NEDD4L: variants seen among roughly 807,000 people sequenced by gnomAD.
NEDD4L encodes NEDD4 like E3 ubiquitin protein ligase.
NEDD4L carries 54 observed loss-of-function variants against 148.9 expected under a neutral mutation model. That is an observed-to-expected ratio of 0.36 (90% CI 0.29 to 0.45). The LOEUF is 0.45. Among genes scored for constraint, NEDD4L ranks in the 20% least tolerant of loss-of-function variants. The pLI, the probability that NEDD4L is intolerant of heterozygous loss-of-function variation, is 1.00. For synonymous variants in NEDD4L, 433 were observed against 440.7 expected (o/e 0.98, Z 0.22); for missense variants, 856 against 1,233.8 (o/e 0.69, Z 4.59).
In NEDD4L at chr18:58,209,467, G is replaced by A. The variant is rs373074845; in HGVS notation, c.123-35960G>A. Among the ~76,000 whole-genome samples, 30 of 5,298 alleles carry A rather than the reference G, an allele frequency of 5.7e-3. No homozygotes were observed. In the South Asian group the frequency reaches 0.11, roughly 19 times the overall value. The allele number at this position is 5,298 out of a possible 152,430, so 3.5% of individuals were successfully genotyped here. A position where few individuals can be genotyped will look rare whatever the true frequency, so the allele number is the denominator to read the frequency against. Reference sequence around the variant, plus strand: ...GCACACCCCACCCCCGCCCCCACTAGGGACAGTTTACTCTTCCCCCTCCTT... The same window carrying A: ...GCACACCCCACCCCCGCCCCCACTAAGGACAGTTTACTCTTCCCCCTCCTT... On this transcript the variant is annotated intron_variant, in intron 2 of 30. Coordinates refer to ENST00000400345, the MANE Select transcript of NEDD4L (RefSeq NM_001144967.3).
intron 5 of NEDD4L, among the ~76,000 whole-genome samples, chr18:58,310,770 A>G (rs766026629): frequency 3.3e-5 from 5 of 152,216 alleles, no homozygotes; most frequent in Non-Finnish European, 7.3e-5. Flanking sequence ...TGCATTACTG[A>G]GGGCCTCTGT....
chr18:58,191,171 C>T (rs8083578), intron 2 of NEDD4L, among the ~76,000 whole-genome samples: 52,462 of 152,022 alleles, frequency 0.35, 10,595 homozygotes, highest in African/African-American at 0.57. Flanking sequence ...AAAGAACTTA[C>T]AACAAACTGA....
At chr18:58,202,875 CTAGT>C (rs979055239) in intron 2 of NEDD4L, among the ~76,000 whole-genome samples, 8 of 152,156 alleles carry the variant, frequency 5.3e-5, no homozygotes, top group African/African-American at 1.7e-4. Context: ...ATGTAAGTTA[CTAGT>C]TCAATTTATT....
At chr18:58,178,916 G>A (rs1273178612) in intron 2 of NEDD4L, among the ~76,000 whole-genome samples, 1 of 152,200 alleles carries the variant, frequency 6.6e-6, no homozygotes, top group Admixed American at 6.5e-5. Flanking sequence ...AAGAAATACT[G>A]CGTTTCAAGT....
At chr18:58,185,409 T>A (rs1007429591) in intron 2 of NEDD4L, among the ~76,000 whole-genome samples, 6 of 152,202 alleles carry the variant, frequency 3.9e-5, no homozygotes, top group Non-Finnish European at 8.8e-5. Flanking sequence ...CTGGAGAAGC[T>A]ATGAATGACC....
chr18:58,095,047 T>C (rs571864665), intron 1 of NEDD4L, among the ~76,000 whole-genome samples: 1 of 152,306 alleles, frequency 6.6e-6, no homozygotes, highest in African/African-American at 2.4e-5. Flanking sequence ...TGGATGCCTA[T>C]TGATTGTGTA....
At chr18:58,215,972 A>G (rs552951457) in intron 2 of NEDD4L, among the ~76,000 whole-genome samples, 11 of 152,192 alleles carry the variant, frequency 7.2e-5, no homozygotes, top group Admixed American at 5.2e-4. Flanking sequence ...ATCTTTGTGC[A>G]AAACAAGAAT....
At chr18:58,068,943 C>T (rs1401609057) in intron 1 of NEDD4L, among the ~76,000 whole-genome samples, 1 of 152,060 alleles carries the variant, frequency 6.6e-6, no homozygotes, top group Non-Finnish European at 1.5e-5. Flanking sequence ...TCAAGATCAG[C>T]CTGGCCAACA....
At chr18:58,309,224 A>G (rs958382884) in intron 5 of NEDD4L, among the ~76,000 whole-genome samples, 22 of 151,906 alleles carry the variant, frequency 1.4e-4, no homozygotes, top group African/African-American at 5.1e-4. Context: ...AGTGGCATGG[A>G]CCTTTTAGTC....
chr18:58,138,473 A>G (rs1024432617), intron 1 of NEDD4L, among the ~76,000 whole-genome samples: 2 of 150,884 alleles, frequency 1.3e-5, no homozygotes, highest in Non-Finnish European at 2.9e-5. Context: ...AAGCCATTTT[A>G]GTTAGTTTTT....
chr18:58,355,037 G>A (rs762498462), intron 18 of NEDD4L, among the ~76,000 whole-genome samples: 8 of 152,220 alleles, frequency 5.3e-5, no homozygotes, highest in Non-Finnish European at 8.8e-5. Context: ...GTATCTGCCC[G>A]GTGTGGGGAC....
chr18:58,093,399 G>C (rs1197863900), intron 1 of NEDD4L, among the ~76,000 whole-genome samples: 8 of 152,126 alleles, frequency 5.3e-5, no homozygotes. Context: ...AAGCTATCAT[G>C]GTTGGTTAGT....
At chr18:58,292,609 G>A (rs1190566320) in intron 5 of NEDD4L, among the ~76,000 whole-genome samples, 1 of 152,204 alleles carries the variant, frequency 6.6e-6, no homozygotes, top group African/African-American at 2.4e-5. Flanking sequence ...TTTATAGATG[G>A]TTCTATATAT....
chr18:58,045,958 T>C (rs2081560099), intron 1 of NEDD4L: 1 of 152,170 alleles, frequency 6.6e-6, no homozygotes, highest in Non-Finnish European at 1.5e-5. Context: ...GCTCGCGTTA[T>C]GGCTCCGCTT....
intron 3 of NEDD4L, among the ~76,000 whole-genome samples, chr18:58,246,880 A>G (rs1372302482): frequency 6.6e-6 from 1 of 152,136 alleles, no homozygotes; most frequent in East Asian, 1.9e-4. Context: ...CATGTTCTCT[A>G]TTAAAAATAC....
At chr18:58,365,926 G>A in intron 20 of NEDD4L, 73 bp from the exon 21 acceptor site, 1 of 1,046,358 alleles carries the variant, frequency 9.6e-7, no homozygotes, top group Admixed American at 2.6e-5. Context: ...TCTACCATTT[G>A]CTGTTGTTTT....
chr18:58,350,844 T>C (rs2043787795), intron 17 of NEDD4L, 147 bp from the exon 18 acceptor site: 2 of 586,748 alleles, frequency 3.4e-6, no homozygotes, highest in South Asian at 4.5e-5. Flanking sequence ...ACTTGAAATG[T>C]TCATATTTAG....
At chr18:58,214,191 A>G (rs572734409) in intron 2 of NEDD4L, among the ~76,000 whole-genome samples, 4 of 152,318 alleles carry the variant, frequency 2.6e-5, no homozygotes, top group Non-Finnish European at 5.9e-5. Flanking sequence ...TAGTCACTCT[A>G]GCCCCCTTGG....
intron 1 of NEDD4L, among the ~76,000 whole-genome samples, chr18:58,094,368 A>G (rs1306391837): frequency 2.0e-5 from 3 of 151,238 alleles, no homozygotes; most frequent in Non-Finnish European, 4.4e-5. Flanking sequence ...GTATTTTTTT[A>G]TAGAGACGGG....
Sources: gnomAD v4.1 joint callset for allele counts (sites outside exome capture counted in the v4.1 genomes callset) on GRCh38, gnomAD v4.1.1 for gene constraint, MANE v1.5 for transcripts, NCBI Gene and HGNC (gene_info 2026-07-23, HGNC 2026-07-21) for gene names.